Variants in R3HDM1 observed in about 807,000 individuals in gnomAD.
R3HDM1 encodes R3H domain containing 1, also known as R3H domain-containing protein 1.
A neutral mutation model predicts 141.1 loss-of-function variants in R3HDM1; 46 were observed. The observed-to-expected ratio is 0.33, with a 90% CI of 0.26 to 0.42. The LOEUF is 0.42. Among genes scored for constraint, R3HDM1 ranks in the 10% least tolerant of loss-of-function variants. The probability of loss-of-function intolerance (pLI) is 1.00; values close to 1 mark genes in which losing one functional copy is unlikely to be tolerated. For missense variants in R3HDM1, 1,184 were observed against 1,368.3 expected (o/e 0.87, Z 2.12); for synonymous variants, 435 against 472.9 (o/e 0.92, Z 1.04).
Position 135,715,688 on chromosome 2 carries a change from G to T in R3HDM1, c.2875G>T (p.Gly959Trp), listed in dbSNP as rs116821936. The change falls in exon 24 of 27, where the codon GGG becomes TGG. Residue 959 changes from glycine to tryptophan, a missense_variant. Physicochemically the swap from Gly to Trp is radical, Grantham distance 184. Transcript: ENST00000683871. ...MPQFSRPFVP[G>W]QGDSRYPLLG... ...CCAATTTTCTAGACCTTTTGTCCCC[G>T]GGCAAGGTAAGTGCACATGAAACTA... is the stretch of plus-strand genomic sequence containing the variant. 6.2e-7 allele frequency: 1 copy of T among 1,612,754 alleles called. No individual in the cohort carries two copies. Among genetic ancestry groups the T allele is most frequent in the Admixed American group, 1.7e-5 (1 of 59,798 alleles).
chr2:135,645,581 G>T, intron 16 of R3HDM1, 54 bp downstream of exon 16: 1 of 1,558,770 alleles, frequency 6.4e-7, no homozygotes. Context: ...TACATATTTG[G>T]GACTAAATTC....
intron 1 of R3HDM1, among the ~76,000 whole-genome samples, chr2:135,563,204 T>A (rs1476994380): frequency 6.6e-6 from 1 of 152,246 alleles, no homozygotes; most frequent in Non-Finnish European, 1.5e-5. Flanking sequence ...AATAAATGCG[T>A]GCATGTGTGT....
chr2:135,542,431 A>T (rs1004571155), intron 1 of R3HDM1, among the ~76,000 whole-genome samples: 9 of 152,178 alleles, frequency 5.9e-5, no homozygotes, highest in Non-Finnish European at 1.0e-4. Context: ...TTCACTTTGT[A>T]TACCTTGTTT....
intron 11 of R3HDM1, among the ~76,000 whole-genome samples, chr2:135,637,990 T>G (rs1001293149): frequency 6.6e-6 from 1 of 152,192 alleles, no homozygotes; most frequent in Non-Finnish European, 1.5e-5. Flanking sequence ...AGTAAAACTT[T>G]GTTTGCAGAA....
intron 21 of R3HDM1, among the ~76,000 whole-genome samples, chr2:135,684,099 T>TTTTGTTG (rs1474430292): frequency 6.6e-6 from 1 of 152,116 alleles, no homozygotes; most frequent in African/African-American, 2.4e-5. Flanking sequence ...TGTTTTTGTT[T>TTTTGTTG]TTTGTTGTTG....
intron 21 of R3HDM1, 34 bp from the exon 22 acceptor site, chr2:135,709,399 C>G (rs1257087903): frequency 1.9e-6 from 3 of 1,612,178 alleles, no homozygotes; most frequent in Non-Finnish European, 2.5e-6. Flanking sequence ...AGTCATCCTC[C>G]TCTCATTATG....
At chr2:135,545,518 G>A (rs1415357328) in intron 1 of R3HDM1, among the ~76,000 whole-genome samples, 1 of 152,188 alleles carries the variant, frequency 6.6e-6, no homozygotes, top group African/African-American at 2.4e-5. Flanking sequence ...GAATATTTTG[G>A]ATGGAAGGAA....
chr2:135,549,805 A>C, intron 1 of R3HDM1: 11 of 261,696 alleles, frequency 4.2e-5, no homozygotes, highest in Non-Finnish European at 5.9e-5. Context: ...TTTTGAAACT[A>C]GAGATAGCTG....
chr2:135,620,869 A>C (rs1161201281), intron 5 of R3HDM1, among the ~76,000 whole-genome samples: 1 of 152,072 alleles, frequency 6.6e-6, no homozygotes, highest in Non-Finnish European at 1.5e-5. Flanking sequence ...GTTACTTTAC[A>C]ATTAAACATT....
At chr2:135,533,091 A>G (rs992277949) in intron 1 of R3HDM1, among the ~76,000 whole-genome samples, 5 of 152,196 alleles carry the variant, frequency 3.3e-5, no homozygotes, top group African/African-American at 1.2e-4. Context: ...TAGTACACCT[A>G]GTTACAGAAT....
intron 19 of R3HDM1, among the ~76,000 whole-genome samples, chr2:135,665,672 T>G (rs1209460108): frequency 6.6e-6 from 1 of 152,244 alleles, no homozygotes; most frequent in African/African-American, 2.4e-5. Context: ...GTGAAAGCTA[T>G]TGCTTATTTC....
At chr2:135,557,725 A>C (rs911787825) in intron 1 of R3HDM1, among the ~76,000 whole-genome samples, 1 of 152,220 alleles carries the variant, frequency 6.6e-6, no homozygotes, top group African/African-American at 2.4e-5. Flanking sequence ...CAGGGACTGG[A>C]GTATAGTTCA....
chr2:135,634,096 A>C (rs1182083167), intron 9 of R3HDM1, among the ~76,000 whole-genome samples: 4 of 152,188 alleles, frequency 2.6e-5, no homozygotes, highest in Non-Finnish European at 5.9e-5. Flanking sequence ...CAAACCCTTG[A>C]AGAAAATACT....
intron 7 of R3HDM1, among the ~76,000 whole-genome samples, chr2:135,626,248 C>A (rs1280491474): frequency 6.6e-6 from 1 of 152,030 alleles, no homozygotes; most frequent in African/African-American, 2.4e-5. Flanking sequence ...TGCTTGCTTG[C>A]TGGTGGAGAG....
intron 1 of R3HDM1, among the ~76,000 whole-genome samples, chr2:135,539,970 G>A (rs775476885): frequency 1.3e-5 from 2 of 152,194 alleles, no homozygotes. Context: ...GATAGCATGT[G>A]CTGCTATTTG....
Position 135,614,963 on chromosome 2 carries a change from C to T in R3HDM1, c.172-1189C>T, listed in dbSNP as rs143708174. Among the ~76,000 whole-genome samples, 7 of 152,180 alleles carry T rather than the reference C, an allele frequency of 4.6e-5. No individual in the cohort carries two copies. The East Asian group carries it at 1.4e-3, about 29-fold the overall frequency. ...TTAGAGAGTAGGTAAAAACAGAAGACAATACCAACATGCAGAAGACCTCTT... is the reference window on the plus strand; with the variant it reads ...TTAGAGAGTAGGTAAAAACAGAAGATAATACCAACATGCAGAAGACCTCTT... On this transcript the variant is annotated intron_variant, in intron 3 of 26. Transcript: ENST00000683871.
In R3HDM1 at chr2:135,661,315, C is replaced by T; in HGVS notation, c.2074C>T (p.Pro692Ser). 6.2e-7 allele frequency: 1 copy of T among 1,613,996 alleles called. No individual in the cohort carries two copies. The highest frequency in any genetic ancestry group is 2.2e-5 in the East Asian group (1 of 44,878). The change falls in exon 19 of 27, where the codon CCT (proline) becomes TCT (serine). Residue 692 changes from proline (P) to serine (S), a missense_variant. This residue lies in a region of R3HDM1 where 563 missense variants were observed against 562.0 expected (regional missense o/e 1.00). Transcript: ENST00000683871. ...TCCAGGCCACTATCACTCCAGCCAA[C>T]CTCAGTATCGCCCAGTCCCTTCTGT... is the stretch of plus-strand genomic sequence containing the variant. ...CAPGHYHSSQPQYRPVPSVHY... is the reference protein window; with the variant it reads ...CAPGHYHSSQSQYRPVPSVHY...
intron 19 of R3HDM1, chr2:135,667,841 C>G: frequency 1.2e-6 from 1 of 849,326 alleles, no homozygotes; most frequent in Non-Finnish European, 1.4e-6. Flanking sequence ...CCCACTCTTG[C>G]TTTTGTCTGA....
chr2:135,624,263 C>T lies in R3HDM1; in HGVS notation c.497+1531C>T, dbSNP rs138156276. 3.0e-3 allele frequency among the ~76,000 whole-genome samples: 452 copies of T among 151,958 alleles called. 3 individuals carry two copies. Among genetic ancestry groups the T allele is most frequent in the African/African-American group, 0.01 (418 of 41,430 alleles). On this transcript the variant is annotated intron_variant, in intron 7 of 26. Transcript: ENST00000683871. ...ATAAAAAATTAGCTGGGTGTGGTGG[C>T]GGGTGCCTGTAGTCCCAGCTGCGTG... is the stretch of plus-strand genomic sequence containing the variant.
Sources: gnomAD v4.1 joint callset for allele counts (sites outside exome capture counted in the v4.1 genomes callset) on GRCh38, gnomAD v4.1.1 for gene constraint, gnomAD v4.1.1 regional missense constraint, MANE v1.5 for transcripts, NCBI Gene and HGNC (gene_info 2026-07-23, HGNC 2026-07-21) for gene names.